EFEMP1: variants seen among roughly 807,000 people sequenced by gnomAD.
The protein encoded by EFEMP1 is EGF-like fibulin extracellular matrix protein 1.
A neutral mutation model predicts 65.7 loss-of-function variants in EFEMP1; 18 were observed. The observed-to-expected ratio is 0.27, with a 90% CI of 0.19 to 0.41. The LOEUF (loss-of-function observed/expected upper bound fraction) is 0.41. Ranked by LOEUF, EFEMP1 falls within the 10% of genes least tolerant of loss-of-function variation. EFEMP1 has a pLI of 1.00. For synonymous variants in EFEMP1, 237 were observed against 219.7 expected (o/e 1.08, Z -0.70); for missense variants, 469 against 624.8 (o/e 0.75, Z 2.66).
rs796758221 is a variant in EFEMP1 at position 55,904,966 on chromosome 2, C to CTTTTTTTTTTTTTTT, written c.517+12698_517+12699insAAAAAAAAAAAAAAA. 4.5e-3 allele frequency among the ~76,000 whole-genome samples: 318 copies of CTTTTTTTTTTTTTTT among 70,418 alleles called. 9 individuals carry two copies. The highest frequency in any genetic ancestry group is 0.029 in the African/African-American group (286 of 9,992). The allele number at this position is 70,418 out of a possible 152,430, so 46.2% of individuals were successfully genotyped here. ...TTTCTTCTCTTCTAAGGGATAGTGG[C>CTTTTTTTTTTTTTTT]TTTTTTTTTTTTCTTTTTCTTTTTT... On this transcript the variant is annotated intron_variant, in intron 5 of 11. Transcript: ENST00000355426.
intron 5 of EFEMP1, among the ~76,000 whole-genome samples, chr2:55,887,984 A>G (rs1368565574): frequency 6.6e-6 from 1 of 152,184 alleles, no homozygotes; most frequent in African/African-American, 2.4e-5. Flanking sequence ...TCTGTGGACA[A>G]CAGTGTTCAT....
intron 8 of EFEMP1, among the ~76,000 whole-genome samples, chr2:55,876,009 G>A (rs1219386961): frequency 6.6e-6 from 1 of 151,912 alleles, no homozygotes; most frequent in Non-Finnish European, 1.5e-5. Context: ...CCCTCAGGAT[G>A]TCTAATGCCT....
chr2:55,904,681 C>T (rs987088727), intron 5 of EFEMP1, among the ~76,000 whole-genome samples: 16 of 152,302 alleles, frequency 1.1e-4, no homozygotes, highest in African/African-American at 3.4e-4. Flanking sequence ...ATTTTTTGGA[C>T]TCTGGGACTT....
intron 5 of EFEMP1, among the ~76,000 whole-genome samples, chr2:55,916,439 C>T (rs1264423113): frequency 6.6e-6 from 1 of 152,100 alleles, no homozygotes; most frequent in Non-Finnish European, 1.5e-5. Context: ...CATTTAAACT[C>T]GAGTATCTTT....
At chr2:55,878,500 C>A (rs114803906) in intron 6 of EFEMP1, among the ~76,000 whole-genome samples, 2,950 of 152,232 alleles carry the variant, frequency 0.019, 56 homozygotes, top group South Asian at 0.08. Context: ...AAATGCTCAA[C>A]TAAGAACTTG....
In EFEMP1 at chr2:55,918,057, G is replaced by A. The variant is rs1468480633; in HGVS notation, c.131-6C>T. 1.9e-6 allele frequency: 3 copies of A among 1,614,038 alleles called. No individual in the cohort carries two copies. The Admixed American group carries it at 5.0e-5, about 27-fold the overall frequency. On this transcript the variant is annotated splice_polypyrimidine_tract_variant and splice_region_variant and intron_variant, in intron 4 of 11. Transcript: ENST00000355426. ...AATGTCACATTCATCAATATCTGTG[G>A]TCAGTAATAAAATAAGTCAGGAATC...
chr2:55,911,529 A>T (rs956153943), intron 5 of EFEMP1, among the ~76,000 whole-genome samples: 1 of 151,982 alleles, frequency 6.6e-6, no homozygotes, highest in Admixed American at 6.6e-5. Context: ...TCTTATTATA[A>T]CAATATATGT....
chr2:55,922,190 C>G lies in EFEMP1; in HGVS notation c.81+170G>C. 2 of 675,044 alleles carry G rather than the reference C, an allele frequency of 3.0e-6. No homozygotes were observed. The highest frequency in any genetic ancestry group is 3.0e-5 in the East Asian group (1 of 33,254). 41.8% of individuals were successfully genotyped at this position (675,044 alleles called of 1,614,324 possible). ...GAGCCCAATGAACTTTTGAAAGGAT[C>G]AAGGGGGCAATTTACAACGAATCTT... On this transcript the variant is annotated intron_variant, in intron 3 of 11. Coordinates refer to ENST00000355426, the MANE Select transcript of EFEMP1 (RefSeq NM_001039348.3). The surrounding 1 kb of genome is among the most constrained non-coding windows in gnomAD (Gnocchi z 5.5).
chr2:55,911,256 G>A (rs1410560179), intron 5 of EFEMP1, among the ~76,000 whole-genome samples: 2 of 152,092 alleles, frequency 1.3e-5, no homozygotes, highest in Non-Finnish European at 2.9e-5. Context: ...ACAGTAAGAA[G>A]AGTGAGAAAA....
chr2:55,917,870 G>A lies in EFEMP1; in HGVS notation c.312C>T (p.Ala104=). 6.2e-7 allele frequency: 1 copy of A among 1,614,254 alleles called. No homozygotes were observed. Among genetic ancestry groups the A allele is most frequent in the Non-Finnish European group, 8.5e-7 (1 of 1,180,054 alleles). The change falls in exon 5 of 12, where the codon GCC becomes GCT. Residue 104 remains alanine (A), a synonymous_variant. Coordinates refer to ENST00000355426, the MANE Select transcript of EFEMP1 (RefSeq NM_001039348.3). This position sits in a 1 kb window ranked among gnomAD's most constrained non-coding sequence, Gnocchi z 6.3. The part of the protein sequence containing the change: ...TSGATTGVVA[A]SSMATSGVLP... Reference sequence around the variant, plus strand: ...ACACTCCACTGGTTGCCATGCTGCTGGCAGCTACAACCCCGGTGGTTGCCC... The same window carrying A: ...ACACTCCACTGGTTGCCATGCTGCTAGCAGCTACAACCCCGGTGGTTGCCC...
intron 5 of EFEMP1, among the ~76,000 whole-genome samples, chr2:55,902,513 A>G (rs1016447717): frequency 6.6e-6 from 1 of 152,236 alleles, no homozygotes; most frequent in African/African-American, 2.4e-5. Flanking sequence ...CAAAATAAAA[A>G]TAACTCCTTT....
chr2:55,875,333 T>TACACACACACACAC (rs1340819904), intron 8 of EFEMP1, among the ~76,000 whole-genome samples: 1,801 of 126,788 alleles, frequency 0.014, 23 homozygotes, highest in South Asian at 0.072. Context: ...GGGTTTCATA[T>TACACACACACACAC]ATACACACAC....
In EFEMP1 at chr2:55,883,802, C is replaced by T. The variant is rs1669330541; in HGVS notation, c.518-2068G>A. ...TGTATCATTAAGTAGATTTTAAACA[C>T]AAAAACCTGTGCTACTCCTTCTTAA... On this transcript the variant is annotated intron_variant, in intron 5 of 11. Coordinates refer to ENST00000355426, the MANE Select transcript of EFEMP1 (RefSeq NM_001039348.3). This position sits in a 1 kb window ranked among gnomAD's most constrained non-coding sequence, Gnocchi z 4.5. 6.6e-6 allele frequency among the ~76,000 whole-genome samples: 1 copy of T among 152,122 alleles called. No individual in the cohort carries two copies. Among genetic ancestry groups the T allele is most frequent in the Non-Finnish European group, 1.5e-5 (1 of 68,008 alleles).
intron 6 of EFEMP1, among the ~76,000 whole-genome samples, chr2:55,879,874 G>A (rs1380899110): frequency 6.6e-6 from 1 of 152,146 alleles, no homozygotes; most frequent in East Asian, 1.9e-4. Context: ...CCGTAGATTG[G>A]AAATTTACAA....
chr2:55,904,357 A>G (rs1002732904), intron 5 of EFEMP1, among the ~76,000 whole-genome samples: 1 of 152,192 alleles, frequency 6.6e-6, no homozygotes, highest in Non-Finnish European at 1.5e-5. Context: ...CCCAGTTGTG[A>G]TCTTTGTGGT....
intron 5 of EFEMP1, among the ~76,000 whole-genome samples, chr2:55,899,257 C>A (rs945130839): frequency 1.3e-5 from 2 of 152,162 alleles, no homozygotes; most frequent in Non-Finnish European, 1.5e-5. Context: ...AATTATTGAG[C>A]TGAATTATTT....
chr2:55,892,627 T>C (rs1669672916), intron 5 of EFEMP1, among the ~76,000 whole-genome samples: 1 of 152,176 alleles, frequency 6.6e-6, no homozygotes, highest in Non-Finnish European at 1.5e-5. Flanking sequence ...GTTACATACT[T>C]GTCAAGAATT....
In EFEMP1 at chr2:55,870,185, T is replaced by G. The variant is rs941377420; in HGVS notation, c.1320+535A>C. On this transcript the variant is annotated intron_variant, in intron 11 of 11. Transcript: ENST00000355426. The surrounding 1 kb of genome is among the most constrained non-coding windows in gnomAD (Gnocchi z 5.8). The stretch of plus-strand genomic sequence containing the variant: ...GAGGTGGGGTCACTTCTCACATACT[T>G]ATAGGTTTTAGTTTCGGTGTGAACA... Among the ~76,000 whole-genome samples the G allele has an allele frequency of 5.9e-5, 9 of 152,078 alleles. No homozygotes were observed. The highest frequency in any genetic ancestry group is 1.0e-4 in the Non-Finnish European group (7 of 68,000).
chr2:55,901,188 C>T (rs1027252444), intron 5 of EFEMP1, among the ~76,000 whole-genome samples: 1 of 152,142 alleles, frequency 6.6e-6, no homozygotes, highest in African/African-American at 2.4e-5. Flanking sequence ...GATTCCCTAA[C>T]AAACACAAAT....
Sources: gnomAD v4.1 joint callset for allele counts (sites outside exome capture counted in the v4.1 genomes callset) on GRCh38, gnomAD v4.1.1 for gene constraint, Gnocchi (gnomAD v3.1) non-coding constraint, MANE v1.5 for transcripts, NCBI Gene and HGNC (gene_info 2026-07-23, HGNC 2026-07-21) for gene names.